The following LPP variants were observed in gnomAD, a reference collection of about 807,000 sequenced individuals.
The protein encoded by LPP is LIM domain containing preferred translocation partner in lipoma.
A neutral mutation model predicts 60.4 loss-of-function variants in LPP; 38 were observed. That is an observed-to-expected ratio of 0.63 (90% CI 0.49 to 0.83). The LOEUF is 0.83. LPP is among the 40% of genes least tolerant of loss of function. The pLI is 0.00. For missense variants in LPP, 902 were observed against 783.6 expected (o/e 1.15, Z -1.80); for synonymous variants, 328 against 290.8 (o/e 1.13, Z -1.30).
At chr3:188,620,162 A>C (rs1845549315) in intron 7 of LPP, among the ~76,000 whole-genome samples, 1 of 152,164 alleles carries the variant, frequency 6.6e-6, no homozygotes, top group African/African-American at 2.4e-5. Context: ...CGCCCATTTA[A>C]ATTAAATGGC....
intron 2 of LPP, among the ~76,000 whole-genome samples, chr3:188,257,914 C>T (rs1406469031): frequency 1.3e-5 from 2 of 152,236 alleles, no homozygotes; most frequent in Non-Finnish European, 2.9e-5. Flanking sequence ...CTATATCCAC[C>T]TTCCACCCAG....
chr3:188,676,058 T>A (rs1857993490), intron 7 of LPP, among the ~76,000 whole-genome samples: 2 of 152,188 alleles, frequency 1.3e-5, no homozygotes, highest in South Asian at 2.1e-4. Context: ...AAATGAGAAT[T>A]GGCTTTGGTC....
chr3:188,162,909 T>C (rs757429649), intron 1 of LPP, among the ~76,000 whole-genome samples: 1 of 152,192 alleles, frequency 6.6e-6, no homozygotes, highest in African/African-American at 2.4e-5. Context: ...GGTGCTCCCT[T>C]GGTGGTCACA....
At chr3:188,710,940 C>G (rs889146923) in intron 8 of LPP, 1 of 152,096 alleles carries the variant, frequency 6.6e-6, no homozygotes, top group Non-Finnish European at 1.5e-5. Flanking sequence ...TTTGTTTTAT[C>G]TGTAATATGG....
chr3:188,247,835 T>C (rs977757240), intron 2 of LPP, among the ~76,000 whole-genome samples: 2 of 150,590 alleles, frequency 1.3e-5, no homozygotes, highest in African/African-American at 4.9e-5. Context: ...TCAATATCAA[T>C]CTAAGGACAC....
At chr3:188,416,054 G>A (rs1266294564) in intron 4 of LPP, among the ~76,000 whole-genome samples, 2 of 151,850 alleles carry the variant, frequency 1.3e-5, no homozygotes, top group African/African-American at 2.4e-5. Context: ...TGGGTAAAAT[G>A]TACATGGAAA....
chr3:188,843,274 A>G (rs1361479094), intron 9 of LPP, among the ~76,000 whole-genome samples: 1 of 152,184 alleles, frequency 6.6e-6, no homozygotes, highest in Non-Finnish European at 1.5e-5. Flanking sequence ...TGCTTCTCAC[A>G]GCAGTCATTT....
chr3:188,433,910 A>G (rs1350606158), intron 4 of LPP, among the ~76,000 whole-genome samples: 1 of 152,158 alleles, frequency 6.6e-6, no homozygotes, highest in Non-Finnish European at 1.5e-5. Flanking sequence ...GTGGGTGAGG[A>G]CAAAAGAAAC....
chr3:188,297,392 T>C (rs1477780120), intron 2 of LPP, among the ~76,000 whole-genome samples: 1 of 152,192 alleles, frequency 6.6e-6, no homozygotes, highest in Non-Finnish European at 1.5e-5. Flanking sequence ...GGTAAAGACA[T>C]AAATTCCGTA....
intron 4 of LPP, among the ~76,000 whole-genome samples, chr3:188,446,646 T>C (rs1795301253): frequency 6.6e-6 from 1 of 152,228 alleles, no homozygotes; most frequent in Non-Finnish European, 1.5e-5. Flanking sequence ...CCAGAGCTTG[T>C]CAGCTTCTCT....
At chr3:188,204,283 C>T (rs1308266855) in intron 1 of LPP, among the ~76,000 whole-genome samples, 3 of 152,064 alleles carry the variant, frequency 2.0e-5, no homozygotes, top group Middle Eastern at 3.2e-3. Flanking sequence ...TTGGGCTCAT[C>T]CTGGAGGCCT....
intron 6 of LPP, among the ~76,000 whole-genome samples, chr3:188,559,890 T>C (rs1434489738): frequency 6.6e-6 from 1 of 152,098 alleles, no homozygotes; most frequent in Admixed American, 6.6e-5. Flanking sequence ...GCTTTTCACA[T>C]AGCAGCTTTC....
Position 188,313,594 on chromosome 3 carries a change from G to A in LPP, c.-66-28069G>A, listed in dbSNP as rs181400024. 5.8e-4 allele frequency among the ~76,000 whole-genome samples: 87 copies of A among 149,576 alleles called. 1 individual carries two copies. Among genetic ancestry groups the A allele is most frequent in the African/African-American group, 2.0e-3 (82 of 40,614 alleles). On this transcript the variant is annotated intron_variant, in intron 2 of 11. Transcript: ENST00000617246. ...GGAGGTTGCAGTGAGCCAAGATCCC[G>A]CCACTGCACTCCAGCCTGGGTGACA...
chr3:188,324,865 T>C (rs929607203), intron 2 of LPP, among the ~76,000 whole-genome samples: 2 of 152,220 alleles, frequency 1.3e-5, no homozygotes, highest in African/African-American at 4.8e-5. Flanking sequence ...ACACTGAGTT[T>C]ATCTGGGTGT....
intron 2 of LPP, among the ~76,000 whole-genome samples, chr3:188,229,524 G>T (rs549346167): frequency 1.3e-5 from 2 of 152,182 alleles, no homozygotes; most frequent in Non-Finnish European, 2.9e-5. Context: ...TTCTGGGCAT[G>T]TGTGAGCATT....
intron 4 of LPP, among the ~76,000 whole-genome samples, chr3:188,445,640 A>T (rs550285745): frequency 6.1e-5 from 9 of 147,500 alleles, no homozygotes; most frequent in South Asian, 4.3e-4. Context: ...AGTATAATTT[A>T]AAAAAAAAAA....
At chr3:188,190,231 A>AT (rs976406158) in intron 1 of LPP, among the ~76,000 whole-genome samples, 1 of 151,494 alleles carries the variant, frequency 6.6e-6, no homozygotes, top group African/African-American at 2.4e-5. Context: ...TAAGTTTTGT[A>AT]TTTTTTTAGT....
rs1770426985 is a variant in LPP at position 188,884,420 on chromosome 3, ACT to A, written c.*9942_*9943del. The A allele has an allele frequency of 3.0e-5, 7 of 229,952 alleles. No individual in the cohort carries two copies. The East Asian group carries it at 3.7e-4, about 12-fold the overall frequency. The allele number at this position is 229,952 out of a possible 1,614,324, so 14.2% of individuals were successfully genotyped here. A position where few individuals can be genotyped will look rare whatever the true frequency, so the allele number is the denominator to read the frequency against. ...TGCCAGGTGGCAAATCCACATGTGT[ACT>A]GCGGTCTTTAGAGATCATTTAGAGC... On this transcript the variant is annotated 3_prime_UTR_variant, in exon 12 of 12. Coordinates refer to ENST00000617246, the MANE Select transcript of LPP (RefSeq NM_001375462.1).
At chr3:188,598,421 C>G (rs1515428) in intron 6 of LPP, among the ~76,000 whole-genome samples, 16,758 of 151,980 alleles carry the variant, frequency 0.11, 1,312 homozygotes, top group East Asian at 0.35. Flanking sequence ...TCATAGTGGA[C>G]TGGACTAGGG....
Sources: gnomAD v4.1 joint callset for allele counts (sites outside exome capture counted in the v4.1 genomes callset) on GRCh38, gnomAD v4.1.1 for gene constraint, MANE v1.5 for transcripts, NCBI Gene and HGNC (gene_info 2026-07-23, HGNC 2026-07-21) for gene names.